KCNH7: variants seen among roughly 807,000 people sequenced by gnomAD.
KCNH7 encodes the protein potassium voltage-gated channel subfamily H member 7.
KCNH7 carries 49 observed loss-of-function variants against 120.8 expected under a neutral mutation model. The ratio of observed to expected loss-of-function variants is 0.41; its 90% CI spans 0.32 to 0.51. KCNH7 has a LOEUF of 0.51. Among genes scored for constraint, KCNH7 ranks in the 20% least tolerant of loss-of-function variants. The probability of loss-of-function intolerance (pLI) is 0.38; values close to 1 mark genes in which losing one functional copy is unlikely to be tolerated. For missense variants in KCNH7, 1,097 were observed against 1,446.6 expected (o/e 0.76, Z 3.92); for synonymous variants, 547 against 516.1 (o/e 1.06, Z -0.81).
chr2:162,459,533 G>A (rs1689081480), intron 6 of KCNH7, among the ~76,000 whole-genome samples: 1 of 152,106 alleles, frequency 6.6e-6, no homozygotes, highest in Non-Finnish European at 1.5e-5. Flanking sequence ...TGACAAGCAG[G>A]TGGATCTTTT....
chr2:162,560,369 G>A (rs191795109), intron 2 of KCNH7, among the ~76,000 whole-genome samples: 55 of 152,252 alleles, frequency 3.6e-4, no homozygotes, highest in African/African-American at 1.3e-3. Context: ...CATCGGAACA[G>A]GAGCAAAAGT....
chr2:162,527,143 A>G (rs780280794), intron 3 of KCNH7, among the ~76,000 whole-genome samples: 1 of 151,942 alleles, frequency 6.6e-6, no homozygotes, highest in Non-Finnish European at 1.5e-5. Context: ...ACATGACATA[A>G]AATTTTTTGC....
intron 2 of KCNH7, among the ~76,000 whole-genome samples, chr2:162,549,085 C>T (rs1488934793): frequency 6.6e-6 from 1 of 152,108 alleles, no homozygotes; most frequent in African/African-American, 2.4e-5. Context: ...GCTACAGTTA[C>T]CTCCCTAGAC....
At chr2:162,548,907 T>C (rs1199244853) in intron 2 of KCNH7, among the ~76,000 whole-genome samples, 1 of 152,166 alleles carries the variant, frequency 6.6e-6, no homozygotes. Flanking sequence ...AAAGAAAATA[T>C]CAAAGAGTAC....
intron 5 of KCNH7, among the ~76,000 whole-genome samples, chr2:162,509,385 G>A (rs1023901977): frequency 6.6e-6 from 1 of 151,440 alleles, no homozygotes. Flanking sequence ...AACAGACAAA[G>A]GTTGTTTTTA....
intron 2 of KCNH7, among the ~76,000 whole-genome samples, chr2:162,787,912 T>A (rs1683771623): frequency 6.6e-6 from 1 of 152,182 alleles, no homozygotes; most frequent in African/African-American, 2.4e-5. Context: ...ACCTAAGGAC[T>A]CCAGCAGCAA....
chr2:162,494,373 G>C (rs892512841), intron 6 of KCNH7, among the ~76,000 whole-genome samples: 1 of 152,156 alleles, frequency 6.6e-6, no homozygotes, highest in African/African-American at 2.4e-5. Context: ...TTTCAATGTT[G>C]TCTTTCCTGA....
chr2:162,431,035 C>T (rs981908843), intron 8 of KCNH7, among the ~76,000 whole-genome samples: 28 of 151,942 alleles, frequency 1.8e-4, no homozygotes, highest in African/African-American at 6.5e-4. Flanking sequence ...GGTTACTGTA[C>T]TCTGTACACA....
At chr2:162,722,323 C>G (rs1644325879) in intron 2 of KCNH7, among the ~76,000 whole-genome samples, 3 of 151,730 alleles carry the variant, frequency 2.0e-5, no homozygotes, top group African/African-American at 7.3e-5. Context: ...TAAAGTAGAT[C>G]AGAAAAGTAC....
At chr2:162,709,068 AGTT>A (rs1197284906) in intron 2 of KCNH7, among the ~76,000 whole-genome samples, 2 of 152,108 alleles carry the variant, frequency 1.3e-5, no homozygotes, top group Admixed American at 6.6e-5. Context: ...ATCATTAAAA[AGTT>A]GTTGTAACCC....
At chr2:162,434,602 A>G (rs949897183) in intron 8 of KCNH7, among the ~76,000 whole-genome samples, 29 of 152,140 alleles carry the variant, frequency 1.9e-4, no homozygotes, top group Admixed American at 8.5e-4. Flanking sequence ...ACATTAACCA[A>G]TCACTTAGAT....
chr2:162,504,699 T>C (rs1315413655), intron 5 of KCNH7, 42 bp from the exon 6 acceptor site: 3 of 1,291,196 alleles, frequency 2.3e-6, no homozygotes, highest in African/African-American at 1.5e-5. Flanking sequence ...TATAAGAAGA[T>C]ATAGAAGAAA....
intron 4 of KCNH7, among the ~76,000 whole-genome samples, chr2:162,517,414 G>A (rs58625016): frequency 0.079 from 12,043 of 151,822 alleles, 512 homozygotes; most frequent in East Asian, 0.12. Flanking sequence ...AACTATGCTT[G>A]AGATGATAGT....
Position 162,701,584 on chromosome 2 carries a change from T to A in KCNH7, c.307+134953A>T, listed in dbSNP as rs1197963401. Among the ~76,000 whole-genome samples, 3 of 152,290 alleles carry A rather than the reference T, an allele frequency of 2.0e-5. No homozygotes were observed. In the East Asian group the frequency reaches 5.8e-4, roughly 29 times the overall value. On this transcript the variant is annotated intron_variant, in intron 2 of 15. Transcript: ENST00000332142. ...TGGCTATTTGGGGAGCAGTGGGGCA[T>A]ATAACACATTGTATTCAAAATTGTA... is the stretch of plus-strand genomic sequence containing the variant.
At chr2:162,768,692 C>T (rs765990594) in intron 2 of KCNH7, among the ~76,000 whole-genome samples, 1 of 152,094 alleles carries the variant, frequency 6.6e-6, no homozygotes, top group African/African-American at 2.4e-5. Flanking sequence ...GGTTCTGCAG[C>T]CTTTTCATAG....
intron 2 of KCNH7, among the ~76,000 whole-genome samples, chr2:162,689,517 T>C (rs1686026793): frequency 6.6e-6 from 1 of 152,116 alleles, no homozygotes; most frequent in African/African-American, 2.4e-5. Context: ...AAAAATATGT[T>C]TTCTGCTGAA....
intron 2 of KCNH7, among the ~76,000 whole-genome samples, chr2:162,673,719 T>C (rs1366599301): frequency 1.3e-5 from 2 of 152,070 alleles, no homozygotes; most frequent in East Asian, 1.9e-4. Flanking sequence ...GAGGAATAAA[T>C]GAGTGTTTTT....
chr2:162,594,306 C>G lies in KCNH7; in HGVS notation c.308-57226G>C, dbSNP rs185623191. 6.0e-3 allele frequency among the ~76,000 whole-genome samples: 913 copies of G among 152,096 alleles called. 14 individuals are homozygous for G. The highest frequency in any genetic ancestry group is 0.021 in the African/African-American group (852 of 41,534). ...TTTTAGTCTTTGTCAGTCTCTTTCT[C>G]TCTCTCTCATTTCCTACTCTCCCCA... On this transcript the variant is annotated intron_variant, in intron 2 of 15. Coordinates refer to ENST00000332142, the MANE Select transcript of KCNH7 (RefSeq NM_033272.4).
At chr2:162,689,662 A>C (rs1025591487) in intron 2 of KCNH7, among the ~76,000 whole-genome samples, 5 of 152,150 alleles carry the variant, frequency 3.3e-5, no homozygotes, top group Non-Finnish European at 4.4e-5. Context: ...TTAATGTTTA[A>C]TTTAATAAAA....
Sources: allele counts gnomAD v4.1 joint callset (sites outside exome capture counted in the v4.1 genomes callset), GRCh38; gene constraint gnomAD v4.1.1; transcripts MANE v1.5; gene names NCBI Gene and HGNC (gene_info 2026-07-23, HGNC 2026-07-21).